Variants in BMPER observed in about 807,000 individuals in gnomAD.
BMPER encodes the protein BMP binding endothelial regulator.
BMPER carries 45 observed loss-of-function variants against 87.3 expected under a neutral mutation model. The ratio of observed to expected loss-of-function variants is 0.52; its 90% confidence interval spans 0.41 to 0.66. The LOEUF (loss-of-function observed/expected upper bound fraction) is 0.66, where lower values mean the gene tolerates loss of function less well. Ranked by LOEUF, BMPER falls within the 30% of genes least tolerant of loss-of-function variation. The pLI is 0.00. For missense variants in BMPER, 784 were observed against 867.5 expected (o/e 0.90, Z 1.21); for synonymous variants, 326 against 316.2 (o/e 1.03, Z -0.33).
chr7:33,974,666 T>C (rs1785637978), intron 5 of BMPER, 36 bp from the exon 6 acceptor site: 2 of 1,590,380 alleles, frequency 1.3e-6, no homozygotes, highest in Non-Finnish European at 1.7e-6. Flanking sequence ...CGATGATGGC[T>C]GTTGCCCTAA....
At position 33,992,572 on chromosome 7, in the gene BMPER, A is replaced by G. The variant is rs1324946040; in HGVS notation, c.576+17788A>G. ...CTGATGGGTCTTGACTCTTTATCCA[A>G]TTTGCCAGTCTGTGTCTTTTAATTG... On this transcript the variant is annotated intron_variant, in intron 6 of 14. Coordinates refer to ENST00000649409, the MANE Select transcript of BMPER (RefSeq NM_001365308.1). Among the ~76,000 whole-genome samples the G allele has an allele frequency of 5.4e-3, 802 of 148,814 alleles. 5 individuals are homozygous for G. Among genetic ancestry groups the G allele is most frequent in the African/African-American group, 0.019 (754 of 40,498 alleles).
At chr7:34,000,483 GA>G (rs1032964526) in intron 6 of BMPER, among the ~76,000 whole-genome samples, 7 of 151,902 alleles carry the variant, frequency 4.6e-5, no homozygotes, top group Non-Finnish European at 7.4e-5. Context: ...TAAAAGAAAA[GA>G]AAAATATTTT....
At chr7:34,050,563 T>A (rs1023827263) in intron 7 of BMPER, among the ~76,000 whole-genome samples, 1 of 152,222 alleles carries the variant, frequency 6.6e-6, no homozygotes, top group South Asian at 2.1e-4. Flanking sequence ...GTGTTTAGTA[T>A]GTTTAGGTAT....
chr7:33,971,585 A>G (rs10240230), intron 5 of BMPER, among the ~76,000 whole-genome samples: 21,152 of 152,190 alleles, frequency 0.14, 1,959 homozygotes, highest in East Asian at 0.24. Flanking sequence ...ATGCTGTGAA[A>G]GGTTTGTATT....
rs111401368 is a variant in BMPER at position 34,054,969 on chromosome 7, C to T, written c.787-194C>T. Among the ~76,000 whole-genome samples, 121 of 152,244 alleles carry T rather than the reference C, an allele frequency of 7.9e-4. 1 individual carries two copies. Among genetic ancestry groups the T allele is most frequent in the African/African-American group, 2.6e-3 (110 of 41,542 alleles). On this transcript the variant is annotated intron_variant, in intron 8 of 14. Coordinates refer to ENST00000649409, the MANE Select transcript of BMPER (RefSeq NM_001365308.1). ...TACGTGCCATAGTTTCCACAGTGCC[C>T]TGATATTCTAGTCTAGATACTTAAT...
At chr7:34,072,543 C>T (rs749047273) in intron 11 of BMPER, among the ~76,000 whole-genome samples, 2 of 151,910 alleles carry the variant, frequency 1.3e-5, no homozygotes, top group African/African-American at 2.4e-5. Flanking sequence ...GTCCCTTTCA[C>T]ACTGTAAGGC....
intron 4 of BMPER, among the ~76,000 whole-genome samples, chr7:33,967,740 G>A (rs1785439180): frequency 1.3e-5 from 2 of 152,152 alleles, no homozygotes; most frequent in South Asian, 4.1e-4. Flanking sequence ...CTTCACCCAT[G>A]CCCTGCCTCT....
At chr7:34,096,666 G>A (rs1303507333) in intron 13 of BMPER, among the ~76,000 whole-genome samples, 1 of 152,034 alleles carries the variant, frequency 6.6e-6, no homozygotes, top group Non-Finnish European at 1.5e-5. Flanking sequence ...TGGAGCAGTT[G>A]TGTAGCCGAG....
chr7:33,955,086 G>A (rs769361655), intron 3 of BMPER, among the ~76,000 whole-genome samples: 8 of 152,144 alleles, frequency 5.3e-5, no homozygotes, highest in South Asian at 2.1e-4. Context: ...TAGTAGAGAC[G>A]GGGTTTCTCC....
chr7:34,132,843 G>A (rs901205338), intron 13 of BMPER, among the ~76,000 whole-genome samples: 1 of 152,144 alleles, frequency 6.6e-6, no homozygotes, highest in African/African-American at 2.4e-5. Flanking sequence ...TTGGCAACAC[G>A]CTGATACTTT....
chr7:34,060,123 T>TA (rs1788397207), intron 10 of BMPER, among the ~76,000 whole-genome samples: 1 of 152,202 alleles, frequency 6.6e-6, no homozygotes, highest in South Asian at 2.1e-4. Context: ...ACCAGAGTCT[T>TA]ACGGCTAATT....
chr7:34,011,583 C>CAAAAAAAAAAAAAAAA (rs36022297), intron 6 of BMPER, among the ~76,000 whole-genome samples: 10 of 45,744 alleles, frequency 2.2e-4, no homozygotes, highest in African/African-American at 4.0e-4. Context: ...TTGGTCAGGG[C>CAAAAAAAAAAAAAAAA]AAAAAAAAAA....
At chr7:34,038,435 C>A (rs1233304303) in intron 6 of BMPER, among the ~76,000 whole-genome samples, 1 of 152,170 alleles carries the variant, frequency 6.6e-6, no homozygotes, top group Non-Finnish European at 1.5e-5. Context: ...CCTGCTGATA[C>A]CTGGATTTTA....
Position 34,078,845 on chromosome 7 carries a change from A to G in BMPER, c.1079-12A>G. On this transcript the variant is annotated splice_polypyrimidine_tract_variant and intron_variant, in intron 11 of 14. Coordinates refer to ENST00000649409, the MANE Select transcript of BMPER (RefSeq NM_001365308.1). ...GTTTGTGACCCGGCTTTTGTCTCTCACTCCTCCGCAGAGCCCGGCGTTTGC... is the reference window on the plus strand; with the variant it reads ...GTTTGTGACCCGGCTTTTGTCTCTCGCTCCTCCGCAGAGCCCGGCGTTTGC... 2 of 1,612,846 alleles carry G rather than the reference A, an allele frequency of 1.2e-6. No homozygotes were observed. The highest frequency in any genetic ancestry group is 1.7e-6 in the Non-Finnish European group (2 of 1,179,668).
At chr7:33,971,850 T>G (rs1785556457) in intron 5 of BMPER, among the ~76,000 whole-genome samples, 1 of 152,358 alleles carries the variant, frequency 6.6e-6, no homozygotes, top group Admixed American at 6.5e-5. Context: ...AAAAATATCA[T>G]AGCTCTTAAA....
chr7:33,960,775 A>C (rs2128616189), intron 3 of BMPER, among the ~76,000 whole-genome samples: 1 of 152,340 alleles, frequency 6.6e-6, no homozygotes. Context: ...AGATCCAGTG[A>C]ATGTCACCCT....
rs760264917 is a variant in BMPER at position 33,905,563 on chromosome 7, A to AGAGGCGGCGGCGCGGGACCTG, written c.-50_-30dup. On this transcript the variant is annotated 5_prime_UTR_variant, in exon 1 of 15. Coordinates refer to ENST00000649409, the MANE Select transcript of BMPER (RefSeq NM_001365308.1). ...CGACTGTGAGCTGCGGCAGCTGAGC[A>AGAGGCGGCGGCGCGGGACCTG]GAGGCGGCGGCGCGGGACCTGCAGT... 1 of 1,602,818 alleles carries AGAGGCGGCGGCGCGGGACCTG rather than the reference A, an allele frequency of 6.2e-7. No homozygotes were observed. The highest frequency in any genetic ancestry group is 1.3e-5 in the African/African-American group (1 of 74,536).
At position 34,136,295 on chromosome 7, in the gene BMPER, C is replaced by T. The variant is rs536209507; in HGVS notation, c.1746-6935C>T. Among the ~76,000 whole-genome samples the T allele has an allele frequency of 6.6e-5, 10 of 152,118 alleles. No homozygotes were observed. The South Asian group carries it at 1.9e-3, about 29-fold the overall frequency. On this transcript the variant is annotated intron_variant, in intron 13 of 14. Transcript: ENST00000649409. Reference sequence around the variant, plus strand: ...GACAGTGGTGTTTTTTGTACCCCTTCGATGGAAGGATAAGAATGAGTGTGT... The same window carrying T: ...GACAGTGGTGTTTTTTGTACCCCTTTGATGGAAGGATAAGAATGAGTGTGT...
At chr7:34,074,669 A>G (rs1250942230) in intron 11 of BMPER, among the ~76,000 whole-genome samples, 1 of 152,190 alleles carries the variant, frequency 6.6e-6, no homozygotes, top group Non-Finnish European at 1.5e-5. Context: ...CTGGAAATGC[A>G]GTGATCCGTG....
Sources: gnomAD v4.1 joint callset for allele counts (sites outside exome capture counted in the v4.1 genomes callset) on GRCh38, gnomAD v4.1.1 for gene constraint, MANE v1.5 for transcripts, NCBI Gene and HGNC (gene_info 2026-07-23, HGNC 2026-07-21) for gene names.